Variants in TKFC observed in about 807,000 individuals in gnomAD.
TKFC encodes the protein triokinase/FMN cyclase.
TKFC carries 46 observed loss-of-function variants against 61.0 expected under a neutral mutation model. The observed-to-expected ratio is 0.75, with a 90% confidence interval of 0.60 to 0.96. The LOEUF (loss-of-function observed/expected upper bound fraction) is 0.96, where lower values mean the gene tolerates loss of function less well. Ranked by LOEUF, TKFC falls within the 50% of genes least tolerant of loss-of-function variation. The probability of loss-of-function intolerance (pLI) is 0.00; values close to 1 mark genes in which losing one functional copy is unlikely to be tolerated. For missense variants in TKFC, 715 were observed against 777.5 expected (o/e 0.92, Z 0.96); for synonymous variants, 314 against 330.1 (o/e 0.95, Z 0.53).
chr11:61,335,427 C>T (rs925563533), intron 2 of TKFC: 4 of 152,484 alleles, frequency 2.6e-5, no homozygotes, highest in African/African-American at 9.6e-5. Flanking sequence ...CCTAAACCCT[C>T]TTCTGGCTCT....
downstream of TKFC, chr11:61,349,667 TCA>T: frequency 2.8e-6 from 2 of 702,504 alleles, no homozygotes; most frequent in East Asian, 2.7e-5. Context: ...AGCCGCACGG[TCA>T]CAATACATGC....
chr11:61,333,807 C>CAGG (rs914757095), intron 1 of TKFC: 8 of 152,234 alleles, frequency 5.3e-5, no homozygotes, highest in African/African-American at 1.7e-4. Flanking sequence ...TCCCCGGGAA[C>CAGG]AAGAGGAATA....
At position 61,342,832 on chromosome 11, in the gene TKFC, G is replaced by A. The variant is rs149938106; in HGVS notation, c.853G>A (p.Val285Ile). Residue 285 changes from valine (V) to isoleucine (I), a missense_variant, in exon 10 of 18, where the codon GTC becomes ATC. By Grantham distance (29) the Val-to-Ile change is conservative. Transcript: ENST00000394900. ...ACTGGGCATCATAGCCGACGCTACCGTCCGCTCCCTGGGTGAGCCATGCAC... is the reference window on the plus strand; with the variant it reads ...ACTGGGCATCATAGCCGACGCTACCATCCGCTCCCTGGGTGAGCCATGCAC... ...LELGIIADAT[V>I]RSLEGRGVKI... 19 of 1,613,984 alleles carry A rather than the reference G, an allele frequency of 1.2e-5. No individual in the cohort carries two copies. In the East Asian group the frequency reaches 2.2e-4, roughly 19 times the overall value.
intron 1 of TKFC, 176 bp from the exon 2 acceptor site, chr11:61,334,444 T>C (rs1206468168): frequency 2.3e-6 from 1 of 441,300 alleles, no homozygotes; most frequent in Non-Finnish European, 4.2e-6. Context: ...GGCAGTGAAG[T>C]GCAGGCATGA....
chr11:61,337,885 G>T, intron 2 of TKFC, 56 bp from the exon 3 acceptor site: 1 of 1,491,594 alleles, frequency 6.7e-7, no homozygotes, highest in Non-Finnish European at 9.0e-7. Flanking sequence ...GGCTGCGCAG[G>T]ATGGGGGTAT....
chr11:61,345,044 A>G (rs1395153860), intron 13 of TKFC, among the ~76,000 whole-genome samples: 7 of 152,226 alleles, frequency 4.6e-5, no homozygotes, highest in Non-Finnish European at 7.3e-5. Flanking sequence ...CAGAGCGTCA[A>G]GTGGAGGGCT....
chr11:61,345,618 G>A, intron 15 of TKFC, 53 bp downstream of exon 15: 1 of 1,612,326 alleles, frequency 6.2e-7, no homozygotes. Context: ...GAGGTGTTTG[G>A]TGACATCTGC....
downstream of TKFC, chr11:61,350,736 C>G: frequency 1.7e-6 from 1 of 599,414 alleles, no homozygotes. Context: ...CCACACTTCA[C>G]CCCACAGAAC....
downstream of TKFC, chr11:61,353,026 T>G (rs1253488740): frequency 1.2e-6 from 2 of 1,613,986 alleles, no homozygotes; most frequent in Admixed American, 1.7e-5. Context: ...AAATGACGGA[T>G]GCGATGGACA....
In TKFC at chr11:61,346,624, C is replaced by A; in HGVS notation, c.*121C>A. 3 of 1,484,340 alleles carry A rather than the reference C, an allele frequency of 2.0e-6. No individual in the cohort carries two copies. Among genetic ancestry groups the A allele is most frequent in the Non-Finnish European group, 8.9e-7 (1 of 1,123,854 alleles). The allele number at this position is 1,484,340 out of a possible 1,614,324, so 91.9% of individuals were successfully genotyped here. A position where few individuals can be genotyped will look rare whatever the true frequency, so the allele number is the denominator to read the frequency against. Reference sequence around the variant, plus strand: ...CGGCCTGGCCCCATTGGCCCACCCTCTAAGTTGAGCAGGAAATCCTCCACC... The same window carrying A: ...CGGCCTGGCCCCATTGGCCCACCCTATAAGTTGAGCAGGAAATCCTCCACC... On this transcript the variant is annotated 3_prime_UTR_variant, in exon 18 of 18. Coordinates refer to ENST00000394900, the MANE Select transcript of TKFC (RefSeq NM_015533.4). The surrounding 1 kb of genome is among the most constrained non-coding windows in gnomAD (Gnocchi z 4.1).
At chr11:61,336,867 G>A (rs1344766715) in intron 2 of TKFC, among the ~76,000 whole-genome samples, 3 of 152,084 alleles carry the variant, frequency 2.0e-5, no homozygotes, top group Non-Finnish European at 4.4e-5. Context: ...CTGGTCACCC[G>A]TGCTTCCTGG....
rs772783789 is a variant in TKFC at position 61,347,264 on chromosome 11, G to A, written c.*761G>A. On this transcript the variant is annotated 3_prime_UTR_variant, in exon 18 of 18. Transcript: ENST00000394900. Reference sequence around the variant, plus strand: ...GTAGATCAAAAAATGCAGCCAGGCCGGGCACGGTGGCTCACACCTGCAATC... The same window carrying A: ...GTAGATCAAAAAATGCAGCCAGGCCAGGCACGGTGGCTCACACCTGCAATC... 26 of 985,250 alleles carry A rather than the reference G, an allele frequency of 2.6e-5. No homozygotes were observed. Among genetic ancestry groups the A allele is most frequent in the South Asian group, 9.4e-5 (2 of 21,278 alleles). The allele number at this position is 985,250 out of a possible 1,614,324, so 61.0% of individuals were successfully genotyped here. A position where few individuals can be genotyped will look rare whatever the true frequency, so the allele number is the denominator to read the frequency against.
downstream of TKFC, chr11:61,350,035 T>G: frequency 2.0e-6 from 1 of 489,772 alleles, no homozygotes; most frequent in Non-Finnish European, 3.7e-6. Flanking sequence ...GAGGACCTCG[T>G]GTGAATGGAG....
At chr11:61,341,054 G>GTGGATGGA (rs1187837886) in intron 5 of TKFC, among the ~76,000 whole-genome samples, 1 of 151,976 alleles carries the variant, frequency 6.6e-6, no homozygotes, top group East Asian at 1.9e-4. Context: ...TAAAAATTGG[G>GTGGATGGA]TGGATGGATG....
At position 61,348,062 on chromosome 11, in the gene TKFC, G is replaced by A; in HGVS notation, c.*1559G>A. 1.0e-6 allele frequency: 1 copy of A among 985,418 alleles called. No homozygotes were observed. The highest frequency in any genetic ancestry group is 1.2e-6 in the Non-Finnish European group (1 of 829,942). 61.0% of individuals were successfully genotyped at this position (985,418 alleles called of 1,614,324 possible). ...CCTGGGCTTCTCTACCCAGGGTCCT[G>A]TCTGTCGGCTGCACCATACGTCCCT... On this transcript the variant is annotated 3_prime_UTR_variant, in exon 18 of 18. Transcript: ENST00000394900.
chr11:61,342,071 T>C (rs1387225197), intron 7 of TKFC, among the ~76,000 whole-genome samples, 159 bp downstream of exon 7: 3 of 152,144 alleles, frequency 2.0e-5, no homozygotes, highest in Non-Finnish European at 4.4e-5. Flanking sequence ...CCTGCCTGAT[T>C]TCTACCTGCT....
At chr11:61,353,313 A>G, downstream of TKFC, 1 of 800,016 alleles carries the variant, frequency 1.2e-6, no homozygotes, top group South Asian at 1.9e-5. Flanking sequence ...CTATTACCCA[A>G]GCAACAAGAA....
At chr11:61,352,898 G>T, downstream of TKFC, 5 of 1,605,228 alleles carry the variant, frequency 3.1e-6, no homozygotes, top group Non-Finnish European at 4.2e-6. Context: ...CTCCTCCCTT[G>T]GGTGAGTCCT....
chr11:61,346,133 G>T lies in TKFC; in HGVS notation c.1575+187G>T, dbSNP rs1049078479. The stretch of plus-strand genomic sequence containing the variant: ...GGAAATATGTAGAGCCCCGCACACT[G>T]CCTGGGATGTGACAGGGCCTCAGTG... On this transcript the variant is annotated intron_variant, in intron 17 of 17. Coordinates refer to ENST00000394900, the MANE Select transcript of TKFC (RefSeq NM_015533.4). The surrounding 1 kb of genome is among the most constrained non-coding windows in gnomAD (Gnocchi z 4.1). The T allele has an allele frequency of 1.9e-5, 23 of 1,213,684 alleles. No homozygotes were observed. The highest frequency in any genetic ancestry group is 2.6e-5 in the Non-Finnish European group (23 of 888,816). The allele number at this position is 1,213,684 out of a possible 1,614,324, so 75.2% of individuals were successfully genotyped here.
Sources: allele counts gnomAD v4.1 joint callset (sites outside exome capture counted in the v4.1 genomes callset), GRCh38; gene constraint gnomAD v4.1.1; non-coding constraint Gnocchi (gnomAD v3.1); transcripts MANE v1.5; gene names NCBI Gene and HGNC (gene_info 2026-07-23, HGNC 2026-07-21).